Variants in UNC5C observed in about 807,000 individuals in gnomAD.
UNC5C encodes the protein unc-5 netrin receptor C, also known as netrin receptor UNC5C.
UNC5C carries 47 observed loss-of-function variants against 99.8 expected under a neutral mutation model. The observed-to-expected ratio is 0.47, with a 90% CI of 0.37 to 0.60. The LOEUF (loss-of-function observed/expected upper bound fraction) is 0.60, where lower values mean the gene tolerates loss of function less well. Among genes scored for constraint, UNC5C ranks in the 20% least tolerant of loss-of-function variants. UNC5C has a pLI of 0.00. For synonymous variants in UNC5C, 487 were observed against 452.2 expected, an observed-to-expected ratio of 1.08 and a Z score of -0.98; for missense variants, 1,062 against 1,165.9, an observed-to-expected ratio of 0.91 and a Z score of 1.30.
At chr4:95,393,858 T>TA (rs1745431144) in intron 1 of UNC5C, among the ~76,000 whole-genome samples, 1 of 146,362 alleles carries the variant, frequency 6.8e-6, no homozygotes, top group Non-Finnish European at 1.5e-5. Flanking sequence ...CTGTTTTTTT[T>TA]TTTTTAAAAA....
intron 10 of UNC5C, among the ~76,000 whole-genome samples, chr4:95,215,679 G>A (rs1738221382): frequency 6.6e-6 from 1 of 151,960 alleles, no homozygotes; most frequent in Non-Finnish European, 1.5e-5. Flanking sequence ...AGGAAGAATC[G>A]TGGGTCAGAA....
intron 1 of UNC5C, among the ~76,000 whole-genome samples, chr4:95,414,365 A>G (rs1252579979): frequency 1.3e-5 from 2 of 152,188 alleles, no homozygotes; most frequent in East Asian, 1.9e-4. Context: ...TATGCTGCCA[A>G]CACCTCCCGG....
At chr4:95,227,643 T>C (rs1738749430) in intron 7 of UNC5C, among the ~76,000 whole-genome samples, 1 of 152,226 alleles carries the variant, frequency 6.6e-6, no homozygotes, top group Non-Finnish European at 1.5e-5. Flanking sequence ...GACCATCTCA[T>C]AATTGCTCAA....
At chr4:95,214,169 T>C (rs947050619) in intron 10 of UNC5C, among the ~76,000 whole-genome samples, 2 of 152,234 alleles carry the variant, frequency 1.3e-5, no homozygotes, top group African/African-American at 4.8e-5. Flanking sequence ...CATTGTGTTT[T>C]ACAATAAAAA....
chr4:95,287,700 G>A (rs1475237200), intron 3 of UNC5C, among the ~76,000 whole-genome samples: 4 of 152,204 alleles, frequency 2.6e-5, no homozygotes, highest in Non-Finnish European at 5.9e-5. Context: ...CAGGCAAGAT[G>A]CAATGAATCT....
At chr4:95,392,656 G>C (rs1283042790) in intron 1 of UNC5C, among the ~76,000 whole-genome samples, 1 of 151,664 alleles carries the variant, frequency 6.6e-6, no homozygotes, top group Non-Finnish European at 1.5e-5. Flanking sequence ...GCTCAGGCTG[G>C]TCTCGAACTG....
At chr4:95,430,157 A>C (rs1746594147) in intron 1 of UNC5C, among the ~76,000 whole-genome samples, 1 of 152,006 alleles carries the variant, frequency 6.6e-6, no homozygotes, top group Non-Finnish European at 1.5e-5. Context: ...TAAACTGTGG[A>C]CTCTGGTCGA....
chr4:95,472,300 TTTAAA>T (rs550185876), intron 1 of UNC5C, among the ~76,000 whole-genome samples: 7 of 152,276 alleles, frequency 4.6e-5, no homozygotes, highest in South Asian at 2.1e-4. Context: ...CATCATGAGT[TTTAAA>T]TTAAAGTGTC....
chr4:95,341,070 A>G (rs1277720531), intron 1 of UNC5C, among the ~76,000 whole-genome samples: 1 of 152,160 alleles, frequency 6.6e-6, no homozygotes, highest in Non-Finnish European at 1.5e-5. Flanking sequence ...GTATCACAGA[A>G]GATAGAATTT....
Position 95,350,100 on chromosome 4 carries a change from T to C in UNC5C, c.125-14469A>G, listed in dbSNP as rs1197000983. Among the ~76,000 whole-genome samples the C allele has an allele frequency of 2.0e-5, 3 of 152,200 alleles. No homozygotes were observed. In the East Asian group the frequency reaches 5.8e-4, roughly 29 times the overall value. On this transcript the variant is annotated intron_variant, in intron 1 of 15. Coordinates refer to ENST00000453304, the MANE Select transcript of UNC5C (RefSeq NM_003728.4). ...AAATATCATGTTTATAACTAATTTG[T>C]AACTCATTAGTACTTGACATTCACT...
chr4:95,252,635 T>C (rs1739788577), intron 4 of UNC5C, among the ~76,000 whole-genome samples: 1 of 152,210 alleles, frequency 6.6e-6, no homozygotes, highest in African/African-American at 2.4e-5. Context: ...GACACTATTA[T>C]AAATGGAGCA....
intron 2 of UNC5C, among the ~76,000 whole-genome samples, chr4:95,305,241 T>A (rs906552716): frequency 1.2e-4 from 19 of 152,208 alleles, no homozygotes; most frequent in African/African-American, 4.6e-4. Context: ...TAAATACTTA[T>A]GACTCAGAAG....
Position 95,202,738 on chromosome 4 carries a change from G to T in UNC5C, c.2129C>A (p.Ala710Asp), listed in dbSNP as rs779715793. The change falls in exon 12 of 16, where the codon GCC (alanine) becomes GAC (aspartate). Residue 710 changes from alanine to aspartate, a missense_variant. Physicochemically the swap from Ala to Asp is moderately radical, Grantham distance 126. Transcript: ENST00000453304. ...RVYCLDDTQD[A>D]LKEILHLERQ... is the part of the protein sequence containing the mutation. The stretch of plus-strand genomic sequence containing the variant: ...TAGGTGGGAGGCACTTACCTTCAGG[G>T]CATCCTGGGTGTCATCCAGACAGTA... 28 of 1,613,820 alleles carry T rather than the reference G, an allele frequency of 1.7e-5. No individual in the cohort carries two copies. Among genetic ancestry groups the T allele is most frequent in the Middle Eastern group, 1.6e-4 (1 of 6,082 alleles).
rs1742647680 is a variant in UNC5C at position 95,320,481 on chromosome 4, C to CTTCACA, written c.346+14923_346+14928dup. On this transcript the variant is annotated intron_variant, in intron 2 of 15. Transcript: ENST00000453304. ...AAGTAAAAGAGACTCTTCTTAAACCCTTCACATACTTTAGCCAAAGGTTAG... is the reference window on the plus strand; with the variant it reads ...AAGTAAAAGAGACTCTTCTTAAACCCTTCACATTCACATACTTTAGCCAAAGGTTAG... Among the ~76,000 whole-genome samples the CTTCACA allele has an allele frequency of 2.6e-5, 4 of 151,632 alleles. No homozygotes were observed. In the South Asian group the frequency reaches 6.3e-4, roughly 24 times the overall value.
chr4:95,426,397 C>T (rs1746486129), intron 1 of UNC5C, among the ~76,000 whole-genome samples: 1 of 152,172 alleles, frequency 6.6e-6, no homozygotes, highest in Non-Finnish European at 1.5e-5. Flanking sequence ...TTCCCTAAGA[C>T]ACAACAATTT....
intron 11 of UNC5C, among the ~76,000 whole-genome samples, chr4:95,204,545 G>A (rs73839936): frequency 0.038 from 5,744 of 152,342 alleles, 357 homozygotes; most frequent in African/African-American, 0.13. Flanking sequence ...TTCCAAGACA[G>A]GCTGGAAGTT....
At chr4:95,358,042 G>T (rs946750083) in intron 1 of UNC5C, among the ~76,000 whole-genome samples, 1 of 152,062 alleles carries the variant, frequency 6.6e-6, no homozygotes, top group Non-Finnish European at 1.5e-5. Context: ...TGTGCCAACT[G>T]CTGACCTACT....
Position 95,468,376 on chromosome 4 carries a change from C to T in UNC5C, c.124+80358G>A, listed in dbSNP as rs145531288. On this transcript the variant is annotated intron_variant, in intron 1 of 15. Transcript: ENST00000453304. ...GAAGTGCTCATCTCCATCAAGTCCT[C>T]TTCTGTTAGTTTCTCTGGCATGGTG... Among the ~76,000 whole-genome samples the T allele has an allele frequency of 3.4e-4, 52 of 152,220 alleles. 1 individual carries two copies. In the East Asian group the frequency reaches 9.5e-3, roughly 28 times the overall value.
chr4:95,256,023 G>A (rs543179155), intron 4 of UNC5C, among the ~76,000 whole-genome samples: 2 of 151,970 alleles, frequency 1.3e-5, no homozygotes, highest in African/African-American at 2.4e-5. Flanking sequence ...CACGTGATCC[G>A]GTTACTCCCT....
Sources: allele counts gnomAD v4.1 joint callset (sites outside exome capture counted in the v4.1 genomes callset), GRCh38; gene constraint gnomAD v4.1.1; transcripts MANE v1.5; gene names NCBI Gene and HGNC (gene_info 2026-07-23, HGNC 2026-07-21).